Variants in DYRK1A observed in about 807,000 individuals in gnomAD.
DYRK1A encodes dual specificity tyrosine-phosphorylation-regulated kinase 1A.
Under a neutral mutation model 79.7 loss-of-function variants are expected in DYRK1A, and 9 were observed. That is an observed-to-expected ratio of 0.11 (90% confidence interval 0.07 to 0.20). The LOEUF is 0.20. DYRK1A is among the 10% of genes least tolerant of loss of function. The pLI is 1.00. For synonymous variants in DYRK1A, 349 were observed against 329.7 expected, an observed-to-expected ratio of 1.06 and a Z score of -0.63; for missense variants, 622 against 956.0, an observed-to-expected ratio of 0.65 and a Z score of 4.61.
chr21:37,404,510 G>A (rs1359807522), intron 1 of DYRK1A, among the ~76,000 whole-genome samples: 5 of 152,084 alleles, frequency 3.3e-5, no homozygotes, highest in Admixed American at 6.5e-5. Context: ...CCCCTTCTGT[G>A]CACCTCCCTT....
At position 37,394,565 on chromosome 21, in the gene DYRK1A, CATT is replaced by C. The variant is rs573720615; in HGVS notation, c.-76-25733_-76-25731del. Among the ~76,000 whole-genome samples the C allele has an allele frequency of 1.1e-4, 16 of 152,276 alleles. No homozygotes were observed. The South Asian group carries it at 3.1e-3, about 30-fold the overall frequency. On this transcript the variant is annotated intron_variant, in intron 1 of 11. Coordinates refer to ENST00000647188, the MANE Select transcript of DYRK1A (RefSeq NM_001347721.2). ...ATGAGGTGAGCTTTGGGCAAGCGAT[CATT>C]TCTGCCTGAGCTCTGCCTCCTGTCA...
chr21:37,461,578 A>T (rs1463491833), intron 2 of DYRK1A, among the ~76,000 whole-genome samples: 2 of 152,020 alleles, frequency 1.3e-5, no homozygotes, highest in Non-Finnish European at 2.9e-5. Flanking sequence ...CTGTTGACAA[A>T]TTCTTTCACT....
chr21:37,417,678 G>A (rs1459806876), intron 1 of DYRK1A, among the ~76,000 whole-genome samples: 1 of 151,152 alleles, frequency 6.6e-6, no homozygotes, highest in Admixed American at 6.6e-5. Flanking sequence ...GTGTTTAACA[G>A]CCTGTGGAAA....
At chr21:37,367,716 G>C (rs2049338728) in intron 1 of DYRK1A, 88 bp downstream of exon 1, 1 of 147,286 alleles carries the variant, frequency 6.8e-6, no homozygotes, top group South Asian at 2.2e-4. Context: ...GAGGCCGGCC[G>C]GGCGGAGGGA....
At position 37,479,619 on chromosome 21, in the gene DYRK1A, G is replaced by GTTTTTGTTTTTT. The variant is rs2052550822; in HGVS notation, c.301-1014_301-1013insGTTTTTTTTTTT. On this transcript the variant is annotated intron_variant, in intron 4 of 11. Coordinates refer to ENST00000647188, the MANE Select transcript of DYRK1A (RefSeq NM_001347721.2). Reference sequence around the variant, plus strand: ...GTTTTTGTTTTTGTTTTTGTTTTTTGTTTTTTTTTTTTTTTTTGGAGACAG... The same window carrying GTTTTTGTTTTTT: ...GTTTTTGTTTTTGTTTTTGTTTTTTGTTTTTGTTTTTTTTTTTTTTTTTTTTTTTGGAGACAG... Among the ~76,000 whole-genome samples the GTTTTTGTTTTTT allele has an allele frequency of 2.3e-4, 17 of 73,894 alleles. 1 individual carries two copies. The highest frequency in any genetic ancestry group is 2.6e-4 in the African/African-American group (5 of 19,104). 48.5% of individuals were successfully genotyped at this position (73,894 alleles called of 152,430 possible).
At chr21:37,374,089 T>A (rs550793157) in intron 1 of DYRK1A, among the ~76,000 whole-genome samples, 1 of 152,178 alleles carries the variant, frequency 6.6e-6, no homozygotes, top group Non-Finnish European at 1.5e-5. Flanking sequence ...TAACAGTTAT[T>A]TTACTGACGC....
intron 2 of DYRK1A, among the ~76,000 whole-genome samples, chr21:37,459,988 A>C (rs2051784584): frequency 6.6e-6 from 1 of 152,218 alleles, no homozygotes; most frequent in Non-Finnish European, 1.5e-5. Flanking sequence ...CTGCAGCCAT[A>C]GTCATGAAGA....
At chr21:37,461,133 A>G (rs1420504524) in intron 2 of DYRK1A, among the ~76,000 whole-genome samples, 2 of 152,228 alleles carry the variant, frequency 1.3e-5, no homozygotes, top group East Asian at 3.8e-4. Context: ...AAAAAATGAT[A>G]CGTGCTTGTT....
intron 1 of DYRK1A, among the ~76,000 whole-genome samples, chr21:37,368,567 A>T (rs982720583): frequency 6.6e-6 from 1 of 152,164 alleles, no homozygotes; most frequent in South Asian, 2.1e-4. Context: ...ATTCCGCCCA[A>T]ATTGTCAGAA....
At chr21:37,439,807 A>G (rs926535594) in intron 2 of DYRK1A, among the ~76,000 whole-genome samples, 20 of 152,274 alleles carry the variant, frequency 1.3e-4, no homozygotes, top group Non-Finnish European at 2.2e-4. Context: ...TAGGTCAAGT[A>G]TGGATGTTGG....
chr21:37,419,572 A>G (rs1326151517), intron 1 of DYRK1A: 1 of 152,192 alleles, frequency 6.6e-6, no homozygotes, highest in African/African-American at 2.4e-5. Context: ...TCAATTTAAA[A>G]CATAAAGTTT....
intron 2 of DYRK1A, among the ~76,000 whole-genome samples, chr21:37,421,071 A>G (rs1291585805): frequency 1.3e-5 from 2 of 152,150 alleles, no homozygotes; most frequent in Non-Finnish European, 2.9e-5. Context: ...TAGTGCAGCT[A>G]ATGTATAAAG....
intron 3 of DYRK1A, 105 bp downstream of exon 3, chr21:37,472,985 A>C: frequency 2.3e-6 from 2 of 885,848 alleles, no homozygotes; most frequent in Non-Finnish European, 1.6e-6. Flanking sequence ...TCAGTTTTAC[A>C]TGCAACGTGG....
At chr21:37,401,506 G>C (rs2050053801) in intron 1 of DYRK1A, among the ~76,000 whole-genome samples, 1 of 142,976 alleles carries the variant, frequency 7.0e-6, no homozygotes, top group African/African-American at 2.6e-5. Flanking sequence ...TTGGGAGACA[G>C]AGTTTCGCTC....
chr21:37,377,018 C>G (rs2049557300), intron 1 of DYRK1A, among the ~76,000 whole-genome samples: 1 of 152,088 alleles, frequency 6.6e-6, no homozygotes, highest in Admixed American at 6.5e-5. Context: ...AGTGCATAGA[C>G]AGGTGTGTGT....
At chr21:37,380,743 A>G (rs1397223494) in intron 1 of DYRK1A, among the ~76,000 whole-genome samples, 1 of 152,004 alleles carries the variant, frequency 6.6e-6, no homozygotes, top group Admixed American at 6.5e-5. Context: ...AAAAACCTAC[A>G]CAATTATTTG....
chr21:37,496,296 ATTTC>A lies in DYRK1A; in HGVS notation c.1212+42_1212+45del, dbSNP rs749541257. ...TATATCTGTTTTGAGCCTTTATTAA[ATTTC>A]TTTATCATACCTGTCTTTTTATAGC... On this transcript the variant is annotated intron_variant, in intron 9 of 11. Transcript: ENST00000647188. 15 of 1,576,718 alleles carry A rather than the reference ATTTC, an allele frequency of 9.5e-6. 2 individuals are homozygous for A. In the Admixed American group the frequency reaches 1.2e-4, roughly 12 times the overall value.
intron 5 of DYRK1A, among the ~76,000 whole-genome samples, chr21:37,483,319 C>T (rs529239162): frequency 3.9e-5 from 6 of 152,262 alleles, no homozygotes; most frequent in South Asian, 2.1e-4. Context: ...CCTGACTTCC[C>T]GCAACACTCT....
At chr21:37,477,042 C>T (rs1222077453) in intron 3 of DYRK1A, among the ~76,000 whole-genome samples, 1 of 152,168 alleles carries the variant, frequency 6.6e-6, no homozygotes, top group Non-Finnish European at 1.5e-5. Flanking sequence ...TCTTTTCGGA[C>T]CACATGGATG....
Sources: allele counts gnomAD v4.1 joint callset (sites outside exome capture counted in the v4.1 genomes callset), GRCh38; gene constraint gnomAD v4.1.1; transcripts MANE v1.5; gene names NCBI Gene and HGNC (gene_info 2026-07-23, HGNC 2026-07-21).